EXOC6B: variants seen among roughly 807,000 people sequenced by gnomAD.
The protein encoded by EXOC6B is exocyst complex component 6B.
In EXOC6B, 54 loss-of-function variants were observed where a neutral mutation model predicts 113.5. That is an observed-to-expected ratio of 0.48 (90% CI 0.38 to 0.60). EXOC6B has a LOEUF of 0.60. Ranked by LOEUF, EXOC6B falls within the 20% of genes least tolerant of loss-of-function variation. The pLI is 0.00. For synonymous variants in EXOC6B, 357 were observed against 339.0 expected, an observed-to-expected ratio of 1.05 and a Z score of -0.58; for missense variants, 797 against 977.5, an observed-to-expected ratio of 0.82 and a Z score of 2.46.
chr2:72,784,486 A>C (rs1684257062), intron 1 of EXOC6B, among the ~76,000 whole-genome samples: 1 of 152,200 alleles, frequency 6.6e-6, no homozygotes, highest in Non-Finnish European at 1.5e-5. Flanking sequence ...AAGACTTGGA[A>C]GGAAAAGAGG....
intron 17 of EXOC6B, among the ~76,000 whole-genome samples, chr2:72,478,091 G>T (rs1698858591): frequency 6.6e-6 from 1 of 152,078 alleles, no homozygotes. Context: ...CCAGTATAGT[G>T]GGTGTCTTCT....
intron 5 of EXOC6B, 74 bp from the exon 6 acceptor site, chr2:72,718,381 G>A: frequency 1.6e-6 from 2 of 1,215,552 alleles, no homozygotes; most frequent in South Asian, 2.9e-5. Context: ...GCCTGAATTG[G>A]TTTTCACTGT....
chr2:72,221,884 C>T (rs1031752409), intron 20 of EXOC6B, among the ~76,000 whole-genome samples: 4 of 152,178 alleles, frequency 2.6e-5, no homozygotes, highest in Admixed American at 6.5e-5. Context: ...CATAAATACT[C>T]TGTGACTAAA....
chr2:72,410,291 G>A (rs1694088124), intron 18 of EXOC6B, among the ~76,000 whole-genome samples: 1 of 152,112 alleles, frequency 6.6e-6, no homozygotes, highest in South Asian at 2.1e-4. Flanking sequence ...CCAATGATGG[G>A]TACCATGGTT....
At chr2:72,206,684 A>G (rs1022711480) in intron 20 of EXOC6B, among the ~76,000 whole-genome samples, 1 of 152,192 alleles carries the variant, frequency 6.6e-6, no homozygotes, top group Non-Finnish European at 1.5e-5. Flanking sequence ...TACTGTGACT[A>G]AACTCCACAG....
chr2:72,643,217 G>A (rs921136072), intron 6 of EXOC6B, among the ~76,000 whole-genome samples: 2 of 152,020 alleles, frequency 1.3e-5, no homozygotes, highest in Admixed American at 1.3e-4. Flanking sequence ...ACTCCTCAGG[G>A]ATCTAGAACT....
At chr2:72,499,164 C>T (rs1188306990) in intron 12 of EXOC6B, among the ~76,000 whole-genome samples, 1 of 151,512 alleles carries the variant, frequency 6.6e-6, no homozygotes, top group African/African-American at 2.4e-5. Flanking sequence ...GATAAAAAGA[C>T]CTAGTTCCTA....
chr2:72,772,445 A>G (rs1683458704), intron 1 of EXOC6B, among the ~76,000 whole-genome samples: 2 of 152,288 alleles, frequency 1.3e-5, no homozygotes, highest in East Asian at 3.9e-4. Flanking sequence ...GCCCAGCCAC[A>G]TGGTACCAGG....
chr2:72,811,188 G>A (rs112610741), intron 1 of EXOC6B, among the ~76,000 whole-genome samples: 7,963 of 152,142 alleles, frequency 0.052, 696 homozygotes, highest in African/African-American at 0.18. Context: ...GTACACACCT[G>A]TAATCCCAGC....
intron 18 of EXOC6B, among the ~76,000 whole-genome samples, chr2:72,455,891 G>A (rs1204948014): frequency 6.6e-6 from 1 of 152,042 alleles, no homozygotes; most frequent in Admixed American, 6.6e-5. Flanking sequence ...TATATGGTAT[G>A]TACTCAAAAG....
At chr2:72,637,938 C>G (rs551564714) in intron 6 of EXOC6B, among the ~76,000 whole-genome samples, 1 of 152,014 alleles carries the variant, frequency 6.6e-6, no homozygotes, top group African/African-American at 2.4e-5. Context: ...AAAATCTAAC[C>G]ATGCATCTTA....
At chr2:72,497,236 G>T (rs1258686576) in intron 13 of EXOC6B, among the ~76,000 whole-genome samples, 1 of 151,952 alleles carries the variant, frequency 6.6e-6, no homozygotes, top group Non-Finnish European at 1.5e-5. Context: ...GGCTCCCAAA[G>T]TGCTGGGATT....
chr2:72,512,419 G>GGAAA (rs1700984921), intron 11 of EXOC6B, among the ~76,000 whole-genome samples: 3 of 105,808 alleles, frequency 2.8e-5, no homozygotes, highest in Non-Finnish European at 6.0e-5. Flanking sequence ...AAGGAAGGAA[G>GGAAA]GAAGGAAAGA....
intron 18 of EXOC6B, among the ~76,000 whole-genome samples, chr2:72,435,714 CTT>C (rs796854472): frequency 7.9e-6 from 1 of 126,482 alleles, no homozygotes; most frequent in South Asian, 2.2e-4. Flanking sequence ...GCATCCCCTG[CTT>C]TTTTTTTGTT....
rs548528382 is a variant in EXOC6B, at chr2:72,681,703, G to T, written c.669+36400C>A. The stretch of plus-strand genomic sequence containing the variant: ...AGTATATAAAATATTAGCTGTGTAC[G>T]TTTTAATCTTTAAAAAAAAAAACTA... On this transcript the variant is annotated intron_variant, in intron 6 of 21. Coordinates refer to ENST00000272427, the MANE Select transcript of EXOC6B (RefSeq NM_015189.3). Among the ~76,000 whole-genome samples the T allele has an allele frequency of 9.9e-4, 150 of 151,548 alleles. 1 individual carries two copies. The highest frequency in any genetic ancestry group is 3.1e-3 in the African/African-American group (127 of 41,320).
At chr2:72,451,993 A>G (rs1050346081) in intron 18 of EXOC6B, among the ~76,000 whole-genome samples, 3 of 152,130 alleles carry the variant, frequency 2.0e-5, no homozygotes, top group Admixed American at 2.0e-4. Context: ...CATGTACAAT[A>G]TATATGCTAA....
chr2:72,275,598 C>T (rs190716963), intron 20 of EXOC6B, among the ~76,000 whole-genome samples: 14 of 152,208 alleles, frequency 9.2e-5, no homozygotes, highest in African/African-American at 3.4e-4. Flanking sequence ...ATTAGTGCTG[C>T]TCAATTAATC....
At chr2:72,561,689 A>C (rs903601144) in intron 7 of EXOC6B, among the ~76,000 whole-genome samples, 6 of 152,122 alleles carry the variant, frequency 3.9e-5, no homozygotes, top group African/African-American at 1.4e-4. Flanking sequence ...ATGGGCTAAG[A>C]CTGGTTTATC....
chr2:72,576,745 C>T (rs773034524), intron 6 of EXOC6B, among the ~76,000 whole-genome samples: 3 of 152,106 alleles, frequency 2.0e-5, no homozygotes, highest in East Asian at 1.9e-4. Flanking sequence ...TTTAAAGAAA[C>T]TTGTTTAATC....
Sources: allele counts gnomAD v4.1 joint callset (sites outside exome capture counted in the v4.1 genomes callset), GRCh38; gene constraint gnomAD v4.1.1; transcripts MANE v1.5; gene names NCBI Gene and HGNC (gene_info 2026-07-23, HGNC 2026-07-21).